The following IQSEC1 variants were observed in gnomAD, a reference collection of about 807,000 sequenced individuals.
IQSEC1 encodes IQ motif and Sec7 domain ArfGEF 1.
A neutral mutation model predicts 91.0 loss-of-function variants in IQSEC1; 31 were observed. The observed-to-expected ratio is 0.34, with a 90% CI of 0.26 to 0.46. The LOEUF (loss-of-function observed/expected upper bound fraction) is 0.46. IQSEC1 is among the 20% of genes least tolerant of loss of function. IQSEC1 has a pLI of 1.00. For synonymous variants in IQSEC1, 699 were observed against 662.6 expected, an observed-to-expected ratio of 1.05 and a Z score of -0.84; for missense variants, 1,388 against 1,575.6, an observed-to-expected ratio of 0.88 and a Z score of 2.02.
intron 6 of IQSEC1, among the ~76,000 whole-genome samples, chr3:12,919,118 C>T (rs960756088): frequency 6.6e-6 from 1 of 152,202 alleles, no homozygotes; most frequent in African/African-American, 2.4e-5. Flanking sequence ...GCCCGGCCTC[C>T]TGGCTGCTGC....
intron 2 of IQSEC1, among the ~76,000 whole-genome samples, chr3:13,107,108 G>A (rs1363094814): frequency 6.6e-6 from 1 of 152,242 alleles, no homozygotes; most frequent in Non-Finnish European, 1.5e-5. Context: ...CCTTTTTGAT[G>A]TGGAGAAGGC....
Position 13,071,977 on chromosome 3 carries a change from C to G in IQSEC1, c.23+1015G>C, listed in dbSNP as rs1159323862. Among the ~76,000 whole-genome samples, 3 of 152,386 alleles carry G rather than the reference C, an allele frequency of 2.0e-5. No homozygotes were observed. The East Asian group carries it at 5.8e-4, about 29-fold the overall frequency. On this transcript the variant is annotated intron_variant, in intron 1 of 13. Transcript: ENST00000613206. ...GTGGAGGTGACGGGGAGCTGCCACT[C>G]TATCAGGGGTTCCACAGGCCCCTGC...
At position 13,225,075 on chromosome 3, in the gene IQSEC1, G is replaced by T. The variant is rs570443149; in HGVS notation, c.272+57636C>A. Among the ~76,000 whole-genome samples, 142 of 152,376 alleles carry T rather than the reference G, an allele frequency of 9.3e-4. No homozygotes were observed. In the Middle Eastern group the frequency reaches 0.01, roughly 11 times the overall value. Reference sequence around the variant, plus strand: ...CCTGGTTCCCAGGGAAACAGAGCTAGAAAGTTAACCCGAGATCAAATTCTC... The same window carrying T: ...CCTGGTTCCCAGGGAAACAGAGCTATAAAGTTAACCCGAGATCAAATTCTC... On this transcript the variant is annotated intron_variant, in intron 1 of 15. Coordinates refer to the IQSEC1 transcript ENST00000648114.
intron 1 of IQSEC1, among the ~76,000 whole-genome samples, chr3:13,238,995 CCCA>C (rs765463907): frequency 4.4e-4 from 67 of 152,312 alleles, no homozygotes; most frequent in Non-Finnish European, 7.2e-4. Flanking sequence ...ACTCGACACG[CCCA>C]CCAGCCTTTC....
At chr3:13,101,138 T>C (rs12495985) in intron 2 of IQSEC1, among the ~76,000 whole-genome samples, 22,933 of 152,044 alleles carry the variant, frequency 0.15, 1,815 homozygotes, top group East Asian at 0.23. Context: ...CGAGGAGCCA[T>C]GGGAGGGCTT....
At chr3:12,936,736 T>C in intron 2 of IQSEC1, 39 bp from the exon 3 acceptor site, 4 of 1,508,454 alleles carry the variant, frequency 2.7e-6, no homozygotes, top group Non-Finnish European at 2.7e-6. Flanking sequence ...GCACTGCATG[T>C]AGGCACAGTG....
chr3:13,066,009 C>T (rs796659036), intron 1 of IQSEC1, among the ~76,000 whole-genome samples: 2 of 152,330 alleles, frequency 1.3e-5, no homozygotes, highest in African/African-American at 4.8e-5. Context: ...TGATTCCACT[C>T]ACATGACATC....
intron 1 of IQSEC1, among the ~76,000 whole-genome samples, chr3:13,048,840 T>G (rs1470174542): frequency 6.6e-6 from 1 of 152,140 alleles, no homozygotes; most frequent in African/African-American, 2.4e-5. Flanking sequence ...AATGCCTCCT[T>G]CTTCTCCAGC....
intron 1 of IQSEC1, among the ~76,000 whole-genome samples, chr3:13,175,104 G>A (rs928238293): frequency 5.3e-5 from 8 of 152,120 alleles, no homozygotes; most frequent in African/African-American, 1.9e-4. Flanking sequence ...TCTCTCACCA[G>A]ATGGATCCCT....
chr3:13,023,370 G>T (rs1380786610), intron 1 of IQSEC1, among the ~76,000 whole-genome samples: 1 of 152,136 alleles, frequency 6.6e-6, no homozygotes, highest in African/African-American at 2.4e-5. Flanking sequence ...TCCCAGGCAG[G>T]GCCCCCAGGG....
intron 1 of IQSEC1, among the ~76,000 whole-genome samples, chr3:13,239,509 G>A (rs1694984923): frequency 6.6e-6 from 1 of 152,260 alleles, no homozygotes; most frequent in South Asian, 2.1e-4. Context: ...CTGGCCGTGA[G>A]GCCCTGGGAA....
At chr3:13,203,398 C>G (rs1328316068) in intron 1 of IQSEC1, among the ~76,000 whole-genome samples, 1 of 152,168 alleles carries the variant, frequency 6.6e-6, no homozygotes, top group Non-Finnish European at 1.5e-5. Flanking sequence ...AAACTGCGCT[C>G]CTCAGTTCCC....
At chr3:13,236,382 T>A (rs1207926309) in intron 1 of IQSEC1, among the ~76,000 whole-genome samples, 3 of 152,184 alleles carry the variant, frequency 2.0e-5, no homozygotes, top group Admixed American at 6.5e-5. Context: ...ATCTTCCAGT[T>A]TTCGACATGA....
chr3:13,116,959 C>T (rs1316855544), intron 2 of IQSEC1, among the ~76,000 whole-genome samples: 2 of 151,622 alleles, frequency 1.3e-5, no homozygotes, highest in Non-Finnish European at 2.9e-5. Flanking sequence ...CAGGCATAGG[C>T]GACAAATGAA....
At chr3:13,144,583 G>A (rs560847001) in intron 2 of IQSEC1, among the ~76,000 whole-genome samples, 4 of 152,226 alleles carry the variant, frequency 2.6e-5, no homozygotes, top group African/African-American at 9.6e-5. Flanking sequence ...TGGGCCTTAA[G>A]AGACTTTACT....
At chr3:12,939,366 G>A (rs1698541127) in intron 2 of IQSEC1, among the ~76,000 whole-genome samples, 1 of 152,228 alleles carries the variant, frequency 6.6e-6, no homozygotes, top group Admixed American at 6.5e-5. Flanking sequence ...CACAGGGACA[G>A]TACCTGAAAC....
intron 1 of IQSEC1, among the ~76,000 whole-genome samples, chr3:13,260,693 G>A (rs1193292783): frequency 1.3e-5 from 2 of 152,236 alleles, no homozygotes; most frequent in African/African-American, 4.8e-5. Context: ...CAGGGACTGA[G>A]GACACAGAGA....
chr3:12,980,565 A>C lies in IQSEC1; in HGVS notation c.24-38700T>G, dbSNP rs1701401935. On this transcript the variant is annotated intron_variant, in intron 1 of 13. Transcript: ENST00000613206. ...CATGATTTGTAACTACAAACACACAACAATTTGTTCAACATGCCAGCTACA... is the reference window on the plus strand; with the variant it reads ...CATGATTTGTAACTACAAACACACACCAATTTGTTCAACATGCCAGCTACA... Among the ~76,000 whole-genome samples, 7 of 152,350 alleles carry C rather than the reference A, an allele frequency of 4.6e-5. No individual in the cohort carries two copies. The South Asian group carries it at 1.4e-3, about 32-fold the overall frequency.
intron 1 of IQSEC1, among the ~76,000 whole-genome samples, chr3:12,975,220 G>C (rs1004507867): frequency 2.6e-5 from 4 of 152,246 alleles, no homozygotes; most frequent in East Asian, 3.8e-4. Flanking sequence ...AAAAGTGCAA[G>C]AGGAGCCAAG....
Sources: gnomAD v4.1 joint callset for allele counts (sites outside exome capture counted in the v4.1 genomes callset) on GRCh38, gnomAD v4.1.1 for gene constraint, MANE v1.5 for transcripts, NCBI Gene and HGNC (gene_info 2026-07-23, HGNC 2026-07-21) for gene names.